SLC49A4: variants seen among roughly 807,000 people sequenced by gnomAD.
SLC49A4 encodes solute carrier family 49 member 4.
Under a neutral mutation model 50.6 loss-of-function variants are expected in SLC49A4, and 36 were observed. The observed-to-expected ratio is 0.71, with a 90% confidence interval of 0.55 to 0.94. SLC49A4 has a LOEUF of 0.94. SLC49A4 is among the 40% of genes least tolerant of loss of function. The probability of loss-of-function intolerance (pLI) is 0.00; values close to 1 mark genes in which losing one functional copy is unlikely to be tolerated. For missense variants in SLC49A4, 503 were observed against 605.7 expected, an observed-to-expected ratio of 0.83 and a Z score of 1.78; for synonymous variants, 248 against 241.2, an observed-to-expected ratio of 1.03 and a Z score of -0.26.
chr3:122,844,607 C>T (rs1440545818), intron 4 of SLC49A4, among the ~76,000 whole-genome samples: 3 of 152,032 alleles, frequency 2.0e-5, no homozygotes, highest in Non-Finnish European at 4.4e-5. Flanking sequence ...CATGGCGAAA[C>T]CCTATCTCTA....
chr3:122,819,042 C>T (rs1936416160), intron 2 of SLC49A4, among the ~76,000 whole-genome samples: 2 of 151,684 alleles, frequency 1.3e-5, no homozygotes. Context: ...TCACTTGAGG[C>T]CAGGAGGACT....
chr3:122,829,320 A>G (rs1381371688), intron 3 of SLC49A4, among the ~76,000 whole-genome samples: 1 of 152,250 alleles, frequency 6.6e-6, no homozygotes. Context: ...ATCAGCAGAT[A>G]AAAGGGAAAA....
intron 1 of SLC49A4, among the ~76,000 whole-genome samples, chr3:122,797,767 G>A (rs1936068257): frequency 2.0e-5 from 3 of 152,156 alleles, no homozygotes; most frequent in African/African-American, 7.2e-5. Context: ...GGTCACTTGA[G>A]CCCAGGAGTT....
chr3:122,855,339 A>G (rs1431652809), intron 5 of SLC49A4, among the ~76,000 whole-genome samples: 1 of 152,244 alleles, frequency 6.6e-6, no homozygotes, highest in Non-Finnish European at 1.5e-5. Context: ...AAGTAAGAAG[A>G]TAATAAAAGC....
chr3:122,849,422 G>A (rs971288076), intron 5 of SLC49A4, among the ~76,000 whole-genome samples: 1 of 152,158 alleles, frequency 6.6e-6, no homozygotes, highest in Non-Finnish European at 1.5e-5. Context: ...CATAATGGCT[G>A]TACTTCTTTA....
At chr3:122,844,516 T>C (rs1282880524) in intron 4 of SLC49A4, among the ~76,000 whole-genome samples, 1 of 152,200 alleles carries the variant, frequency 6.6e-6, no homozygotes, top group Non-Finnish European at 1.5e-5. Context: ...GTGCAATGTC[T>C]CACGCCTGTA....
At chr3:122,839,380 A>G (rs1440799659) in intron 4 of SLC49A4, among the ~76,000 whole-genome samples, 2 of 152,118 alleles carry the variant, frequency 1.3e-5, no homozygotes, top group South Asian at 2.1e-4. Flanking sequence ...AACAAAAACA[A>G]AAATAAACGG....
intron 8 of SLC49A4, among the ~76,000 whole-genome samples, chr3:122,878,358 A>T (rs981973707): frequency 2.0e-5 from 3 of 152,116 alleles, no homozygotes; most frequent in Admixed American, 6.5e-5. Context: ...CCGAGGAGCT[A>T]TTCACTTCAG....
At chr3:122,817,553 A>G (rs1936388470) in intron 2 of SLC49A4, among the ~76,000 whole-genome samples, 1 of 151,766 alleles carries the variant, frequency 6.6e-6, no homozygotes, top group Admixed American at 6.6e-5. Context: ...TGAGAGAGAG[A>G]GAGAGTGTGT....
chr3:122,839,157 T>C lies in SLC49A4; in HGVS notation c.833+5711T>C, dbSNP rs114740837. Among the ~76,000 whole-genome samples the C allele has an allele frequency of 7.2e-3, 1,096 of 152,184 alleles. 5 individuals carry two copies. The highest frequency in any genetic ancestry group is 0.023 in the African/African-American group (948 of 41,526). On this transcript the variant is annotated intron_variant, in intron 4 of 8. Coordinates refer to ENST00000261038, the MANE Select transcript of SLC49A4 (RefSeq NM_032839.3). ...TAAATTGGAGAAAGGACACCCTATT[T>C]AATAAATAGTTCTGGGAAAACTGGC...
In SLC49A4 at chr3:122,811,817, G is replaced by T. The variant is rs146860789; in HGVS notation, c.437+4867G>T. 3.4e-3 allele frequency among the ~76,000 whole-genome samples: 517 copies of T among 152,262 alleles called. 3 individuals carry two copies. Among genetic ancestry groups the T allele is most frequent in the African/African-American group, 0.011 (441 of 41,554 alleles). ...GGCAAACTTTAGAATATTATGTTTA[G>T]TATGTTCTTACTTGGAAAAAAATGG... On this transcript the variant is annotated intron_variant, in intron 2 of 8. Transcript: ENST00000261038.
chr3:122,801,633 G>A (rs1936134491), intron 1 of SLC49A4, among the ~76,000 whole-genome samples: 1 of 152,210 alleles, frequency 6.6e-6, no homozygotes, highest in Non-Finnish European at 1.5e-5. Flanking sequence ...GGATGTAGTT[G>A]TGGTAAAGAT....
intron 5 of SLC49A4, among the ~76,000 whole-genome samples, chr3:122,848,120 G>A (rs374982035): frequency 1.3e-5 from 2 of 152,116 alleles, no homozygotes; most frequent in Non-Finnish European, 2.9e-5. Context: ...CTGTTCTGGA[G>A]CTCTGTTCTT....
chr3:122,867,104 T>G (rs1937130674), intron 7 of SLC49A4, among the ~76,000 whole-genome samples: 1 of 152,232 alleles, frequency 6.6e-6, no homozygotes, highest in African/African-American at 2.4e-5. Context: ...TAAGCTAAGT[T>G]TTCCCTCTTA....
intron 2 of SLC49A4, among the ~76,000 whole-genome samples, chr3:122,823,443 T>C (rs1361343178): frequency 6.6e-6 from 1 of 152,250 alleles, no homozygotes; most frequent in East Asian, 1.9e-4. Flanking sequence ...AAGGCCTAAC[T>C]ATTGCCTTCT....
chr3:122,872,336 A>G, intron 7 of SLC49A4, 79 bp from the exon 8 acceptor site: 1 of 1,251,846 alleles, frequency 8.0e-7, no homozygotes, highest in Non-Finnish European at 1.1e-6. Context: ...ATACTTAGGA[A>G]AGAGAACACC....
At chr3:122,795,739 A>T (rs944808705) in intron 1 of SLC49A4, among the ~76,000 whole-genome samples, 4 of 152,212 alleles carry the variant, frequency 2.6e-5, no homozygotes, top group African/African-American at 7.2e-5. Context: ...GCAAATATTT[A>T]TGTTTTTTAT....
rs76046938 is a variant in SLC49A4 at position 122,819,177 on chromosome 3, G to A, written c.438-7623G>A. 1.7e-3 allele frequency among the ~76,000 whole-genome samples: 247 copies of A among 149,412 alleles called. 8 individuals carry two copies. The East Asian group carries it at 0.043, about 26-fold the overall frequency. On this transcript the variant is annotated intron_variant, in intron 2 of 8. Transcript: ENST00000261038. Reference sequence around the variant, plus strand: ...GGAGGATCACTTGAGCCCAGAGGTCGAGGCTGCAGTGAGCTGCCTTCGTGC... The same window carrying A: ...GGAGGATCACTTGAGCCCAGAGGTCAAGGCTGCAGTGAGCTGCCTTCGTGC...
chr3:122,873,059 T>C (rs189411717), intron 8 of SLC49A4, among the ~76,000 whole-genome samples: 1 of 152,298 alleles, frequency 6.6e-6, no homozygotes, highest in East Asian at 1.9e-4. Context: ...TGTCACCCAA[T>C]GTAAGGAATG....
Sources: gnomAD v4.1 joint callset for allele counts (sites outside exome capture counted in the v4.1 genomes callset) on GRCh38, gnomAD v4.1.1 for gene constraint, MANE v1.5 for transcripts, NCBI Gene and HGNC (gene_info 2026-07-23, HGNC 2026-07-21) for gene names.